The following EYA4 variants were observed in gnomAD, a reference collection of about 807,000 sequenced individuals.
EYA4 encodes the protein protein phosphatase EYA4.
In EYA4, 31 loss-of-function variants were observed where a neutral mutation model predicts 87.9. That is an observed-to-expected ratio of 0.35 (90% CI 0.27 to 0.48). EYA4 has a LOEUF of 0.48. EYA4 is among the 20% of genes least tolerant of loss of function. EYA4 has a pLI of 0.99. For missense variants in EYA4, 678 were observed against 761.4 expected, an observed-to-expected ratio of 0.89 and a Z score of 1.29; for synonymous variants, 263 against 270.6, an observed-to-expected ratio of 0.97 and a Z score of 0.28.
At chr6:133,427,862 G>C (rs1042378702) in intron 3 of EYA4, among the ~76,000 whole-genome samples, 1 of 148,970 alleles carries the variant, frequency 6.7e-6, no homozygotes, top group African/African-American at 2.6e-5. Context: ...AGGGCTGAGT[G>C]AATAACTAAG....
At chr6:133,305,311 A>G (rs760240551) in intron 2 of EYA4, among the ~76,000 whole-genome samples, 3 of 152,160 alleles carry the variant, frequency 2.0e-5, no homozygotes, top group East Asian at 1.9e-4. Context: ...AAGTAATAAC[A>G]TAATATGTTT....
At chr6:133,441,974 C>T (rs1926090) in intron 3 of EYA4, among the ~76,000 whole-genome samples, 70,127 of 151,376 alleles carry the variant, frequency 0.46, 17,451 homozygotes, top group East Asian at 0.76. Flanking sequence ...TGTATTGATC[C>T]ATATATGACA....
At chr6:133,255,526 G>A (rs79624704) in intron 1 of EYA4, among the ~76,000 whole-genome samples, 6,932 of 152,150 alleles carry the variant, frequency 0.046, 572 homozygotes, top group African/African-American at 0.16. Context: ...TATATTTAAA[G>A]TAAAAAGTGG....
intron 3 of EYA4, 151 bp downstream of exon 3, chr6:133,382,592 C>T (rs1221298597): frequency 9.4e-6 from 7 of 743,600 alleles, no homozygotes; most frequent in Admixed American, 7.3e-5. Context: ...TGCTGGCTAG[C>T]GTACCACTAC....
chr6:133,274,768 G>A lies in EYA4; in HGVS notation c.-13G>A. On this transcript the variant is annotated 5_prime_UTR_variant, in exon 2 of 20. The change creates a new upstream start codon in the 5' untranslated region. Transcript: ENST00000355286. ...CTTCTACTTGGGAGTGGCAGGAGAAGTGAGAAAACCACATGGAAGACTCCC... is the reference window on the plus strand; with the variant it reads ...CTTCTACTTGGGAGTGGCAGGAGAAATGAGAAAACCACATGGAAGACTCCC... The A allele has an allele frequency of 6.2e-7, 1 of 1,612,642 alleles. No individual in the cohort carries two copies. The highest frequency in any genetic ancestry group is 8.5e-7 in the Non-Finnish European group (1 of 1,178,842).
chr6:133,284,131 T>A (rs1455748042), intron 2 of EYA4, among the ~76,000 whole-genome samples: 1 of 152,218 alleles, frequency 6.6e-6, no homozygotes, highest in African/African-American at 2.4e-5. Context: ...CTTAGATTAT[T>A]TATATGAAGA....
intron 1 of EYA4, among the ~76,000 whole-genome samples, chr6:133,264,874 C>T (rs558313246): frequency 3.4e-4 from 51 of 152,156 alleles, no homozygotes; most frequent in Non-Finnish European, 5.1e-4. Context: ...GCTCTGTCAC[C>T]TAGAAGAAGT....
intron 2 of EYA4, among the ~76,000 whole-genome samples, chr6:133,312,254 G>A (rs577814507): frequency 1.1e-4 from 16 of 152,232 alleles, no homozygotes; most frequent in African/African-American, 3.9e-4. Flanking sequence ...TGAATGTGGG[G>A]AGGGGTGAGG....
In EYA4 at chr6:133,531,045, T is replaced by C. The variant is rs1800980728; in HGVS notation, c.*2240T>C. The C allele has an allele frequency of 7.2e-7, 1 of 1,392,114 alleles. No individual in the cohort carries two copies. The highest frequency in any genetic ancestry group is 9.3e-7 in the Non-Finnish European group (1 of 1,075,756). 86.2% of individuals were successfully genotyped at this position (1,392,114 alleles called of 1,614,324 possible). On this transcript the variant is annotated 3_prime_UTR_variant, in exon 20 of 20. Transcript: ENST00000355286. ...ATGTTGATAGAATTGTGGCATTACATCTAAATTTGTAAGTCTTTTCATATC... is the reference window on the plus strand; with the variant it reads ...ATGTTGATAGAATTGTGGCATTACACCTAAATTTGTAAGTCTTTTCATATC...
At chr6:133,348,070 A>AG (rs1783333037) in intron 2 of EYA4, among the ~76,000 whole-genome samples, 1 of 152,242 alleles carries the variant, frequency 6.6e-6, no homozygotes, top group African/African-American at 2.4e-5. Context: ...CTTTTTAAAA[A>AG]TCAGTTCCTT....
chr6:133,243,118 G>GTGTGTGTGTA (rs1445040162), intron 1 of EYA4, among the ~76,000 whole-genome samples: 1 of 149,744 alleles, frequency 6.7e-6, no homozygotes, highest in African/African-American at 2.5e-5. Context: ...GTGTGTGTGT[G>GTGTGTGTGTA]TTGTGTACTT....
intron 2 of EYA4, among the ~76,000 whole-genome samples, chr6:133,291,844 G>A (rs573711944): frequency 1.3e-5 from 2 of 152,228 alleles, no homozygotes; most frequent in South Asian, 4.1e-4. Flanking sequence ...CATGTTTGGG[G>A]TGATTGTTTC....
chr6:133,455,410 A>T (rs935323358), intron 5 of EYA4, among the ~76,000 whole-genome samples: 21 of 152,142 alleles, frequency 1.4e-4, no homozygotes, highest in African/African-American at 5.1e-4. Context: ...CCAGCTGATC[A>T]TGTCATTAAT....
intron 3 of EYA4, among the ~76,000 whole-genome samples, chr6:133,414,482 C>A (rs1363430588): frequency 6.6e-6 from 1 of 152,166 alleles, no homozygotes; most frequent in East Asian, 1.9e-4. Flanking sequence ...GCTTCTCATT[C>A]CTCACTGTAT....
intron 3 of EYA4, among the ~76,000 whole-genome samples, chr6:133,386,343 C>T (rs181536161): frequency 3.3e-5 from 5 of 152,244 alleles, no homozygotes; most frequent in Admixed American, 2.6e-4. Context: ...ATGAATTTTA[C>T]AGCAGAAGTT....
chr6:133,506,110 C>T lies in EYA4; in HGVS notation c.1196C>T (p.Pro399Leu). The T allele has an allele frequency of 6.3e-7, 1 of 1,594,722 alleles. No individual in the cohort carries two copies. ...GSYAQKYGKD[P>L]PMAVTLGLRM... ...ATGTGTACATTTTCTTTACAGGATC[C>T]CCCCATGGCTGTAACCCTTGGACTC... Residue 399 changes from proline to leucine, a missense_variant, in exon 14 of 20, where the codon CCC becomes CTC. Coordinates refer to ENST00000355286, the MANE Select transcript of EYA4 (RefSeq NM_004100.5).
At chr6:133,494,509 G>A (rs1212426860) in intron 13 of EYA4, among the ~76,000 whole-genome samples, 1 of 151,958 alleles carries the variant, frequency 6.6e-6, no homozygotes, top group East Asian at 1.9e-4. Flanking sequence ...ACATCAGGGT[G>A]ACTGTAGTCA....
chr6:133,378,053 G>T (rs1785856022), intron 2 of EYA4, among the ~76,000 whole-genome samples: 1 of 152,032 alleles, frequency 6.6e-6, no homozygotes, highest in Non-Finnish European at 1.5e-5. Flanking sequence ...TACAGTGGTA[G>T]TTTCACAGGT....
intron 10 of EYA4, among the ~76,000 whole-genome samples, chr6:133,468,350 C>A (rs1330433468): frequency 6.6e-6 from 1 of 151,918 alleles, no homozygotes; most frequent in Non-Finnish European, 1.5e-5. Context: ...TGTACTGGAC[C>A]TGGTTTGCCA....
Sources: gnomAD v4.1 joint callset for allele counts (sites outside exome capture counted in the v4.1 genomes callset) on GRCh38, gnomAD v4.1.1 for gene constraint, MANE v1.5 for transcripts, NCBI Gene and HGNC (gene_info 2026-07-23, HGNC 2026-07-21) for gene names.